The following PCSK6 variants were observed in gnomAD, a reference collection of about 807,000 sequenced individuals.
PCSK6 encodes the protein proprotein convertase subtilisin/kexin type 6, also known as paired basic amino acid cleaving enzyme 4.
In PCSK6, 85 loss-of-function variants were observed where a neutral mutation model predicts 123.3. The observed-to-expected ratio is 0.69, with a 90% CI of 0.58 to 0.83. PCSK6 has a LOEUF of 0.83. Among genes scored for constraint, PCSK6 ranks in the 40% least tolerant of loss-of-function variants. PCSK6 has a pLI of 0.00. For missense variants in PCSK6, 1,191 were observed against 1,282.3 expected (o/e 0.93, Z 1.09); for synonymous variants, 508 against 516.0 (o/e 0.98, Z 0.21).
intron 7 of PCSK6, among the ~76,000 whole-genome samples, chr15:101,396,635 C>A (rs533545349): frequency 6.2e-4 from 94 of 151,822 alleles, no homozygotes; most frequent in African/African-American, 2.2e-3. Context: ...TTTATGTATT[C>A]GGCAGTTCTT....
At chr15:101,476,909 G>C (rs1313764124) in intron 1 of PCSK6, among the ~76,000 whole-genome samples, 1 of 152,210 alleles carries the variant, frequency 6.6e-6, no homozygotes, top group Non-Finnish European at 1.5e-5. Context: ...GGTGATGCCG[G>C]ACGGGAGATG....
intron 13 of PCSK6, among the ~76,000 whole-genome samples, chr15:101,338,863 T>C (rs2040540652): frequency 6.6e-6 from 1 of 152,234 alleles, no homozygotes; most frequent in Non-Finnish European, 1.5e-5. Flanking sequence ...GGAATGTCAT[T>C]GTGAGAGGCA....
chr15:101,393,483 C>T, intron 7 of PCSK6, 59 bp from the exon 8 acceptor site: 17 of 1,350,224 alleles, frequency 1.3e-5, no homozygotes, highest in Non-Finnish European at 1.6e-5. Context: ...GGGTGGGTCT[C>T]CCCCCGAACC....
chr15:101,421,320 A>G lies in PCSK6; in HGVS notation c.823+6572T>C, dbSNP rs150651312. Among the ~76,000 whole-genome samples the G allele has an allele frequency of 5.9e-5, 9 of 152,334 alleles. No individual in the cohort carries two copies. In the East Asian group the frequency reaches 1.5e-3, roughly 26 times the overall value. On this transcript the variant is annotated intron_variant, in intron 6 of 21. Coordinates refer to ENST00000611716, the MANE Select transcript of PCSK6 (RefSeq NM_002570.5). ...ATTATTTTTATGTGACAACATTTAT[A>G]AGGAATGTGCAGTTTTACAAAGAAA...
At position 101,386,136 on chromosome 15, in the gene PCSK6, G is replaced by A. The variant is rs555887809; in HGVS notation, c.1311-1711C>T. ...GGAACGCACACCGTGCTCTCGGTGC[G>A]TGTTTACTAGGAACGCACGCCGCGC... On this transcript the variant is annotated intron_variant, in intron 9 of 21. Coordinates refer to ENST00000611716, the MANE Select transcript of PCSK6 (RefSeq NM_002570.5). Among the ~76,000 whole-genome samples, 7 of 152,104 alleles carry A rather than the reference G, an allele frequency of 4.6e-5. No homozygotes were observed. The South Asian group carries it at 1.0e-3, about 23-fold the overall frequency.
chr15:101,321,041 A>T (rs1455436838), intron 18 of PCSK6, among the ~76,000 whole-genome samples: 1 of 152,110 alleles, frequency 6.6e-6, no homozygotes, highest in Non-Finnish European at 1.5e-5. Flanking sequence ...CTGCTGGGAA[A>T]CAGGCAGGTT....
chr15:101,480,270 GAACT>G (rs1411251440), intron 1 of PCSK6, among the ~76,000 whole-genome samples: 8 of 152,352 alleles, frequency 5.3e-5, no homozygotes, highest in Middle Eastern at 3.4e-3. Flanking sequence ...GAAGATTAGA[GAACT>G]AACAGTGACA....
intron 11 of PCSK6, among the ~76,000 whole-genome samples, chr15:101,372,734 G>C (rs971915207): frequency 1.3e-5 from 2 of 152,130 alleles, no homozygotes; most frequent in Non-Finnish European, 2.9e-5. Flanking sequence ...CTCCCCTGGG[G>C]CTTCAAAATG....
chr15:101,469,380 CCT>C (rs1179386350), intron 1 of PCSK6, among the ~76,000 whole-genome samples: 1 of 152,112 alleles, frequency 6.6e-6, no homozygotes, highest in Non-Finnish European at 1.5e-5. Flanking sequence ...TGCTACATGC[CCT>C]GCGTGACTGT....
At chr15:101,381,278 G>A (rs898921203) in intron 11 of PCSK6, among the ~76,000 whole-genome samples, 2 of 152,124 alleles carry the variant, frequency 1.3e-5, no homozygotes, top group Admixed American at 6.5e-5. Flanking sequence ...GCAGGAAGAT[G>A]GCTTGAACTC....
intron 13 of PCSK6, among the ~76,000 whole-genome samples, chr15:101,349,723 A>G (rs2040842010): frequency 2.0e-5 from 3 of 152,132 alleles, no homozygotes; most frequent in Non-Finnish European, 4.4e-5. Flanking sequence ...CCAGCCCGTC[A>G]CCGGTGCAGC....
intron 11 of PCSK6, among the ~76,000 whole-genome samples, chr15:101,374,799 G>A (rs1388383821): frequency 6.6e-6 from 1 of 152,236 alleles, no homozygotes; most frequent in Non-Finnish European, 1.5e-5. Context: ...CCCGTGTGAA[G>A]GTGGCAAGAG....
At chr15:101,436,117 A>G (rs11856811) in intron 2 of PCSK6, among the ~76,000 whole-genome samples, 53,176 of 151,822 alleles carry the variant, frequency 0.35, 9,974 homozygotes, top group African/African-American at 0.49. Context: ...CAAAGCCACC[A>G]TGTCCTTCTG....
chr15:101,335,470 A>G (rs1387526354), intron 13 of PCSK6, among the ~76,000 whole-genome samples: 1 of 152,236 alleles, frequency 6.6e-6, no homozygotes, highest in Admixed American at 6.5e-5. Flanking sequence ...ATAAAAGTGC[A>G]TATGACGAAG....
At chr15:101,421,005 G>A (rs1044760248) in intron 6 of PCSK6, among the ~76,000 whole-genome samples, 12 of 152,254 alleles carry the variant, frequency 7.9e-5, no homozygotes, top group African/African-American at 2.6e-4. Context: ...GGAGTGCAGT[G>A]GCACGATCTT....
At position 101,430,054 on chromosome 15, in the gene PCSK6, C is replaced by T. The variant is rs1038177443; in HGVS notation, c.667G>A (p.Ala223Thr). 2.5e-6 allele frequency: 4 copies of T among 1,613,516 alleles called. No homozygotes were observed. Among genetic ancestry groups the T allele is most frequent in the African/African-American group, 1.3e-5 (1 of 74,900 alleles). ...PDLAPNYDSY[A>T]SYDVNGNDYD... Reference sequence around the variant, plus strand: ...TCATTGCCGTTCACGTCGTAGCTGGCGTAGGAATCCTAAGAAATGGAATCG... The same window carrying T: ...TCATTGCCGTTCACGTCGTAGCTGGTGTAGGAATCCTAAGAAATGGAATCG... Residue 223 changes from alanine to threonine, a missense_variant, in exon 5 of 22, where the codon GCC (alanine) becomes ACC (threonine). Coordinates refer to ENST00000611716, the MANE Select transcript of PCSK6 (RefSeq NM_002570.5).
rs76056203 is a variant in PCSK6 at position 101,453,802 on chromosome 15, C to T, written c.298-10142G>A. On this transcript the variant is annotated intron_variant, in intron 1 of 21. Coordinates refer to ENST00000611716, the MANE Select transcript of PCSK6 (RefSeq NM_002570.5). ...GGGGGTGCCTTATCCTCAAGAAAGT[C>T]TCATCTAGAGAATTTGCCAGGGGAG... Among the ~76,000 whole-genome samples, 11 of 152,314 alleles carry T rather than the reference C, an allele frequency of 7.2e-5. No individual in the cohort carries two copies. In the East Asian group the frequency reaches 2.1e-3, roughly 29 times the overall value.
intron 12 of PCSK6, among the ~76,000 whole-genome samples, chr15:101,366,983 G>T (rs923775641): frequency 6.6e-6 from 1 of 152,210 alleles, no homozygotes; most frequent in East Asian, 1.9e-4. Context: ...AGGGGCATTT[G>T]AGGGAGATGA....
chr15:101,445,378 G>A lies in PCSK6; in HGVS notation c.298-1718C>T, dbSNP rs569859372. On this transcript the variant is annotated intron_variant, in intron 1 of 21. Transcript: ENST00000611716. ...TGAAGGGTTGCTCCGAAATTTGAAC[G>A]CGATATTTACGTGTGAAAGAGCTAG... Among the ~76,000 whole-genome samples, 19 of 152,294 alleles carry A rather than the reference G, an allele frequency of 1.2e-4. No individual in the cohort carries two copies. In the East Asian group the frequency reaches 2.1e-3, roughly 17 times the overall value.
Sources: gnomAD v4.1 joint callset for allele counts (sites outside exome capture counted in the v4.1 genomes callset) on GRCh38, gnomAD v4.1.1 for gene constraint, MANE v1.5 for transcripts, NCBI Gene and HGNC (gene_info 2026-07-23, HGNC 2026-07-21) for gene names.